PSMD14: variants seen among roughly 807,000 people sequenced by gnomAD.
PSMD14 encodes the protein ubiquitin C-terminal hydrolase PSMD14.
A neutral mutation model predicts 41.2 loss-of-function variants in PSMD14; 7 were observed. The observed-to-expected ratio is 0.17, with a 90% confidence interval of 0.10 to 0.32. PSMD14 has a LOEUF of 0.32. Among genes scored for constraint, PSMD14 ranks in the 10% least tolerant of loss-of-function variants. The pLI is 1.00. For synonymous variants in PSMD14, 114 were observed against 122.3 expected (o/e 0.93, Z 0.45); for missense variants, 139 against 375.6 (o/e 0.37, Z 5.21).
intron 3 of PSMD14, among the ~76,000 whole-genome samples, chr2:161,338,645 A>G (rs1199325353): frequency 6.6e-6 from 1 of 152,122 alleles, no homozygotes; most frequent in East Asian, 1.9e-4. Flanking sequence ...TATGTTTTTA[A>G]TAGCTTAATT....
In PSMD14 at chr2:161,367,674, T is replaced by TA. The variant is rs1683377682; in HGVS notation, c.121-106dup. ...TAAGCTATTGTTTTAGGTACATTTATAAAAGGAGTTTTTATTTTCACTGGA... is the reference window on the plus strand; with the variant it reads ...TAAGCTATTGTTTTAGGTACATTTATAAAAAGGAGTTTTTATTTTCACTGGA... On this transcript the variant is annotated intron_variant, in intron 4 of 11. Transcript: ENST00000409682. 3.8e-6 allele frequency: 5 copies of TA among 1,331,158 alleles called. No homozygotes were observed. The Admixed American group carries it at 1.4e-4, about 36-fold the overall frequency. The allele number at this position is 1,331,158 out of a possible 1,614,324, so 82.5% of individuals were successfully genotyped here. A position where few individuals can be genotyped will look rare whatever the true frequency, so the allele number is the denominator to read the frequency against.
At chr2:161,366,223 T>C (rs1020082230) in intron 3 of PSMD14, among the ~76,000 whole-genome samples, 14 of 152,186 alleles carry the variant, frequency 9.2e-5, no homozygotes, top group Non-Finnish European at 1.8e-4. Flanking sequence ...CTGGCATTTA[T>C]GGTGAAAATT....
intron 3 of PSMD14, among the ~76,000 whole-genome samples, chr2:161,364,168 T>C (rs1397652389): frequency 9.2e-5 from 14 of 152,176 alleles, no homozygotes; most frequent in Admixed American, 8.5e-4. Flanking sequence ...ATTCTGCTGG[T>C]TGATAGCCTG....
chr2:161,370,326 C>G, intron 6 of PSMD14, 149 bp downstream of exon 6: 1 of 615,420 alleles, frequency 1.6e-6, no homozygotes, highest in Non-Finnish European at 2.7e-6. Flanking sequence ...TGCCATGCAC[C>G]ACCTGTCTAG....
At chr2:161,342,800 T>A (rs904361355) in intron 3 of PSMD14, among the ~76,000 whole-genome samples, 1 of 152,220 alleles carries the variant, frequency 6.6e-6, no homozygotes, top group African/African-American at 2.4e-5. Context: ...TTGAGATTAA[T>A]TGGATATTGT....
intron 3 of PSMD14, among the ~76,000 whole-genome samples, chr2:161,329,239 T>C (rs1682751961): frequency 6.6e-6 from 1 of 152,182 alleles, no homozygotes; most frequent in Non-Finnish European, 1.5e-5. Context: ...TTACAGATTA[T>C]TGTTCTATTT....
At chr2:161,376,903 A>AT (rs890491304) in intron 7 of PSMD14, among the ~76,000 whole-genome samples, 49 of 151,598 alleles carry the variant, frequency 3.2e-4, no homozygotes, top group African/African-American at 9.0e-4. Context: ...TACCAAATCT[A>AT]TTTTTTTTAG....
At chr2:161,327,097 A>T (rs1682710394) in intron 3 of PSMD14, among the ~76,000 whole-genome samples, 1 of 152,198 alleles carries the variant, frequency 6.6e-6, no homozygotes, top group Non-Finnish European at 1.5e-5. Flanking sequence ...TATTTTGCTA[A>T]GTAAAATAAG....
chr2:161,327,330 G>A (rs1682714083), intron 3 of PSMD14, among the ~76,000 whole-genome samples: 2 of 152,126 alleles, frequency 1.3e-5, no homozygotes, highest in African/African-American at 2.4e-5. Context: ...GTGTTAATGT[G>A]CCTAATGCCA....
At chr2:161,352,031 T>C (rs183299199) in intron 3 of PSMD14, among the ~76,000 whole-genome samples, 95 of 152,312 alleles carry the variant, frequency 6.2e-4, no homozygotes, top group African/African-American at 2.3e-3. Flanking sequence ...CCTCTGTATC[T>C]CACTAAATTG....
At chr2:161,312,145 A>C (rs577094366) in intron 1 of PSMD14, among the ~76,000 whole-genome samples, 2 of 142,514 alleles carry the variant, frequency 1.4e-5, no homozygotes, top group South Asian at 4.5e-4. Context: ...CTGAAAAGTA[A>C]TTTTTTTTTT....
chr2:161,341,051 GGGCTCCCCCGGTCCCGCA>G (rs1433942730), intron 3 of PSMD14: 6 of 1,586,308 alleles, frequency 3.8e-6, no homozygotes, highest in East Asian at 2.3e-5. Context: ...CTGGCCCTTC[GGGCTCCCCCGGTCCCGCA>G]GGCTCCCCGA....
At chr2:161,392,051 G>A (rs564413337) in intron 9 of PSMD14, among the ~76,000 whole-genome samples, 42 of 152,216 alleles carry the variant, frequency 2.8e-4, no homozygotes, top group Non-Finnish European at 5.9e-4. Flanking sequence ...ATTACCTGAC[G>A]TTTTGATGAA....
chr2:161,355,336 G>C (rs1177041539), intron 3 of PSMD14, among the ~76,000 whole-genome samples: 1 of 152,042 alleles, frequency 6.6e-6, no homozygotes, highest in Admixed American at 6.6e-5. Context: ...GATATTATGA[G>C]TTTTTACTAA....
At chr2:161,389,912 T>TTTTTTTTTTTTTTTTTTTTTTA in intron 8 of PSMD14, among the ~76,000 whole-genome samples, 1 of 130,290 alleles carries the variant, frequency 7.7e-6, no homozygotes, top group African/African-American at 3.3e-5. Flanking sequence ...TTTTTTTTTT[T>TTTTTTTTTTTTTTTTTTTTTTA]AGAGATGGGG....
chr2:161,408,920 G>A, intron 11 of PSMD14, 21 bp downstream of exon 11: 2 of 1,568,452 alleles, frequency 1.3e-6, no homozygotes, highest in Non-Finnish European at 1.7e-6. Flanking sequence ...CTGTTAATAA[G>A]TTATGCAGTT....
intron 7 of PSMD14, among the ~76,000 whole-genome samples, chr2:161,379,437 A>G (rs894891900): frequency 2.0e-5 from 3 of 152,034 alleles, no homozygotes; most frequent in African/African-American, 4.8e-5. Context: ...CAGTACAACT[A>G]TACACTTTCT....
At chr2:161,406,931 A>G in intron 10 of PSMD14, among the ~76,000 whole-genome samples, 1 of 152,142 alleles carries the variant, frequency 6.6e-6, no homozygotes, top group Non-Finnish European at 1.5e-5. Flanking sequence ...TTTGACCTTC[A>G]TCTTTCATTG....
intron 3 of PSMD14, among the ~76,000 whole-genome samples, chr2:161,363,037 C>A (rs1038409670): frequency 6.6e-6 from 1 of 152,200 alleles, no homozygotes; most frequent in Non-Finnish European, 1.5e-5. Context: ...CCAGGCCACA[C>A]AGCAAGAGGT....
Sources: gnomAD v4.1 joint callset for allele counts (sites outside exome capture counted in the v4.1 genomes callset) on GRCh38, gnomAD v4.1.1 for gene constraint, MANE v1.5 for transcripts, NCBI Gene and HGNC (gene_info 2026-07-23, HGNC 2026-07-21) for gene names.